Variants in PNPLA2 observed in about 807,000 individuals in gnomAD.
PNPLA2 encodes the protein patatin-like phospholipase domain-containing protein 2.
A neutral mutation model predicts 39.7 loss-of-function variants in PNPLA2; 28 were observed. The observed-to-expected ratio is 0.70, with a 90% CI of 0.52 to 0.97. The LOEUF is 0.97. Among genes scored for constraint, PNPLA2 ranks in the 50% least tolerant of loss-of-function variants. The pLI, the probability that PNPLA2 is intolerant of heterozygous loss-of-function variation, is 0.00. For synonymous variants in PNPLA2, 392 were observed against 321.1 expected, an observed-to-expected ratio of 1.22 and a Z score of -2.36; for missense variants, 768 against 698.2, an observed-to-expected ratio of 1.10 and a Z score of -1.13.
Position 824,613 on chromosome 11 carries a change from G to A in PNPLA2, c.1266G>A (p.Trp422Ter), listed in dbSNP as rs944560685. 4.6e-5 allele frequency: 73 copies of A among 1,593,954 alleles called. No homozygotes were observed. The highest frequency in any genetic ancestry group is 6.1e-5 in the Non-Finnish European group (72 of 1,175,126). ...CAAYREALPGWMRNNLSLGDA... is the reference protein window; with the variant it reads ...CAAYREALPG The stretch of plus-strand genomic sequence containing the variant: ...CCTACAGAGAGGCACTGCCCGGCTG[G>A]ATGCGCAACAACCTCTCGCTGGGGG... The change falls in exon 10 of 10, where the codon TGG (tryptophan) becomes TGA (stop). Residue 422 changes from tryptophan (W) to a stop codon, truncating the protein, a stop_gained. Coordinates refer to ENST00000336615, the MANE Select transcript of PNPLA2 (RefSeq NM_020376.4). LOFTEE classifies it low-confidence loss of function (END_TRUNC).
chr11:824,592 CAG>C lies in PNPLA2; in HGVS notation c.1250_1251del (p.Glu417GlyfsTer134), dbSNP rs1313022086. 6.3e-7 allele frequency: 1 copy of C among 1,587,064 alleles called. No individual in the cohort carries two copies. The highest frequency in any genetic ancestry group is 1.1e-5 in the South Asian group (1 of 88,422). On this transcript the variant is annotated frameshift_variant, in exon 10 of 10. Coordinates refer to ENST00000336615, the MANE Select transcript of PNPLA2 (RefSeq NM_020376.4). LOFTEE classifies it low-confidence loss of function (END_TRUNC). ...PSVPLSCAAY[R>X]EALPGWMRNN... ...CCGTGCCGCTGTCCTGCGCCGCCTA[CAG>C]AGAGGCACTGCCCGGCTGGATGCGC... is the stretch of plus-strand genomic sequence containing the variant.
At chr11:823,609 A>C in intron 6 of PNPLA2, 22 bp downstream of exon 6, 6 of 1,244,436 alleles carry the variant, frequency 4.8e-6, no homozygotes, top group Non-Finnish European at 6.9e-6. Flanking sequence ...CGGGCGGGAG[A>C]GGGCGGGGTG....
chr11:824,722 C>G lies in PNPLA2; in HGVS notation c.1375C>G (p.Leu459Val), dbSNP rs757529468. The change falls in exon 10 of 10, where the codon CTG becomes GTG. Residue 459 changes from leucine to valine, a missense_variant. Physicochemically the swap from Leu to Val is conservative, Grantham distance 32. Coordinates refer to ENST00000336615, the MANE Select transcript of PNPLA2 (RefSeq NM_020376.4). ...CAACGTGGCCTTCCCGCCCGAAGCT[C>G]TGCGCATGCGCGCACCCGCCGACCC... Reference protein sequence around the residue: ...CTNVAFPPEALRMRAPADPAP... With the variant: ...CTNVAFPPEAVRMRAPADPAP... 8.2e-6 allele frequency: 13 copies of G among 1,583,842 alleles called. No homozygotes were observed. The highest frequency in any genetic ancestry group is 1.7e-4 in the Middle Eastern group (1 of 5,994).
chr11:820,454 C>G (rs542463249), intron 2 of PNPLA2, among the ~76,000 whole-genome samples: 2 of 152,212 alleles, frequency 1.3e-5, no homozygotes, highest in Non-Finnish European at 2.9e-5. Context: ...CACACGGTGC[C>G]CTGTGGCCTG....
intron 1 of PNPLA2, 197 bp from the exon 2 acceptor site, chr11:819,377 G>C (rs1282239209): frequency 5.1e-6 from 5 of 975,848 alleles, no homozygotes; most frequent in African/African-American, 3.5e-5. Context: ...GTGCCCAGCA[G>C]GGGCGGAGGG....
Position 823,724 on chromosome 11 carries a change from C to A in PNPLA2, c.788C>A (p.Ala263Glu). ...CTGAACCGGCCCAACCCCTTGCTGG[C>A]GTTGCCCCCCGCCCGCCCCCACGGC... ...GLLNRPNPLL[A>E]LPPARPHGPE... Residue 263 changes from alanine to glutamate, a missense_variant, in exon 7 of 10, where the codon GCG becomes GAG. Transcript: ENST00000336615. 6.2e-7 allele frequency: 1 copy of A among 1,607,120 alleles called. No homozygotes were observed. The highest frequency in any genetic ancestry group is 8.5e-7 in the Non-Finnish European group (1 of 1,177,342).
rs745381506 is a variant in PNPLA2, at chr11:822,488, T to C, written c.578T>C (p.Ile193Thr). 6.2e-7 allele frequency: 1 copy of C among 1,614,036 alleles called. No individual in the cohort carries two copies. Among genetic ancestry groups the C allele is most frequent in the Non-Finnish European group, 8.5e-7 (1 of 1,179,940 alleles). ...TCCCCCTTCTCGGGCGAGAGTGACA[T>C]CTGTCCGCAGGACAGCTCCACCAAC... ...TVSPFSGESD[I>T]CPQDSSTNIH... The change falls in exon 5 of 10, where the codon ATC (isoleucine) becomes ACC (threonine). Residue 193 changes from isoleucine to threonine, a missense_variant. Ile to Thr is a moderately conservative substitution (Grantham distance 89, BLOSUM62 -1). Coordinates refer to ENST00000336615, the MANE Select transcript of PNPLA2 (RefSeq NM_020376.4).
In PNPLA2 at chr11:824,841, G is replaced by C; in HGVS notation, c.1494G>C (p.Val498=). Residue 498 remains valine, a synonymous_variant, in exon 10 of 10, where the codon GTG becomes GTC. Transcript: ENST00000336615. ...LSTPAPEARP[V]IGALGL Reference sequence around the variant, plus strand: ...CCCCTGCTCCCGAGGCCCGGCCCGTGATCGGGGCCCTGGGGCTGTGAGACC... The same window carrying C: ...CCCCTGCTCCCGAGGCCCGGCCCGTCATCGGGGCCCTGGGGCTGTGAGACC... 2 of 1,534,576 alleles carry C rather than the reference G, an allele frequency of 1.3e-6. No individual in the cohort carries two copies. Among genetic ancestry groups the C allele is most frequent in the Non-Finnish European group, 8.7e-7 (1 of 1,146,096 alleles).
chr11:821,431 T>C, intron 2 of PNPLA2, 197 bp from the exon 3 acceptor site: 2 of 622,012 alleles, frequency 3.2e-6, no homozygotes, highest in Non-Finnish European at 5.8e-6. Flanking sequence ...GGGCAGGTCC[T>C]GGTCTCAGCT....
At position 824,512 on chromosome 11, in the gene PNPLA2, C is replaced by T; in HGVS notation, c.1176-11C>T. ...AGCTGAAGCCCTCCCTGCCGCATCC[C>T]TGCCCCGCAGGCTGCCGGAGCAGGT... On this transcript the variant is annotated splice_polypyrimidine_tract_variant and intron_variant, in intron 9 of 9. Transcript: ENST00000336615. The T allele has an allele frequency of 1.9e-6, 3 of 1,546,416 alleles. No individual in the cohort carries two copies. The highest frequency in any genetic ancestry group is 2.0e-5 in the Admixed American group (1 of 51,278).
Position 823,872 on chromosome 11 carries a change from C to A in PNPLA2, c.919+17C>A. 6.4e-7 allele frequency: 1 copy of A among 1,571,920 alleles called. No individual in the cohort carries two copies. Among genetic ancestry groups the A allele is most frequent in the Admixed American group, 1.8e-5 (1 of 54,162 alleles). ...TCAATGAGGGTGCGCACCTGGGGGA[C>A]GGGAGGGGAGGAGGGGAGGCAGGAG... On this transcript the variant is annotated intron_variant, in intron 7 of 9. Coordinates refer to ENST00000336615, the MANE Select transcript of PNPLA2 (RefSeq NM_020376.4).
In PNPLA2 at chr11:824,449, C is replaced by A; in HGVS notation, c.1175+13C>A. The A allele has an allele frequency of 6.4e-7, 1 of 1,551,576 alleles. No homozygotes were observed. Among genetic ancestry groups the A allele is most frequent in the Non-Finnish European group, 8.7e-7 (1 of 1,148,078 alleles). ...ACCTGCCCTCCAGGTGAGCCGCCGA[C>A]CGCGCGTCCACCCGGGGCCCGCGGT... is the stretch of plus-strand genomic sequence containing the variant. On this transcript the variant is annotated intron_variant, in intron 9 of 9. Transcript: ENST00000336615.
chr11:820,610 A>T (rs1565085761), intron 2 of PNPLA2, among the ~76,000 whole-genome samples: 1 of 152,128 alleles, frequency 6.6e-6, no homozygotes, highest in African/African-American at 2.4e-5. Context: ...AGTGATGTTT[A>T]CAGCACACGA....
At chr11:821,206 A>G in intron 2 of PNPLA2, 1 of 266,768 alleles carries the variant, frequency 3.7e-6, no homozygotes, top group Non-Finnish European at 7.4e-6. Context: ...GGCCCTGACT[A>G]CTTCCAGCCC....
chr11:819,218 G>A (rs1252991661), intron 1 of PNPLA2, among the ~76,000 whole-genome samples: 1 of 152,248 alleles, frequency 6.6e-6, no homozygotes, highest in East Asian at 1.9e-4. Context: ...CCGGGTGGGT[G>A]TGGGAGGCGG....
chr11:822,130 C>G (rs967518513), intron 4 of PNPLA2, 107 bp downstream of exon 4: 5 of 993,652 alleles, frequency 5.0e-6, no homozygotes, highest in Non-Finnish European at 8.0e-6. Context: ...CTGCCACCGC[C>G]TGTTACCCAC....
chr11:819,593 G>A lies in PNPLA2; in HGVS notation c.-126G>A, dbSNP rs957573035. The A allele has an allele frequency of 2.4e-6, 3 of 1,274,592 alleles. No individual in the cohort carries two copies. Among genetic ancestry groups the A allele is most frequent in the South Asian group, 2.1e-5 (1 of 47,848 alleles). 79.0% of individuals were successfully genotyped at this position (1,274,592 alleles called of 1,614,324 possible). A position where few individuals can be genotyped will look rare whatever the true frequency, so the allele number is the denominator to read the frequency against. ...GCGTAGCTTCTTCGCCTCCGCCAGC[G>A]GGGACCCCGAGCTAGAGCCGCAGCG... On this transcript the variant is annotated 5_prime_UTR_variant, in exon 2 of 10. Coordinates refer to ENST00000336615, the MANE Select transcript of PNPLA2 (RefSeq NM_020376.4).
intron 1 of PNPLA2, chr11:819,276 C>A (rs1034384821): frequency 1.3e-4 from 38 of 303,222 alleles, no homozygotes; most frequent in African/African-American, 7.6e-4. Context: ...AGCTCCCTCT[C>A]GCCGGTACCC....
intron 2 of PNPLA2, 102 bp downstream of exon 2, chr11:820,007 G>C: frequency 1.1e-6 from 1 of 906,506 alleles, no homozygotes; most frequent in Non-Finnish European, 1.5e-6. Context: ...GAGTCGGTGG[G>C]TACCGTGGGG....
Sources: allele counts gnomAD v4.1 joint callset (sites outside exome capture counted in the v4.1 genomes callset), GRCh38; gene constraint gnomAD v4.1.1; transcripts MANE v1.5; gene names NCBI Gene and HGNC (gene_info 2026-07-23, HGNC 2026-07-21).